The following SLC25A21 variants were observed in gnomAD, a reference collection of about 807,000 sequenced individuals.
SLC25A21 encodes mitochondrial 2-oxodicarboxylate carrier.
In SLC25A21, 47 loss-of-function variants were observed where a neutral mutation model predicts 43.8. The observed-to-expected ratio is 1.07, with a 90% confidence interval of 0.85 to 1.37. The LOEUF is 1.37. Ranked by LOEUF, SLC25A21 falls within the 40% of genes most tolerant of loss-of-function variation. SLC25A21 has a pLI of 0.00. For synonymous variants in SLC25A21, 131 were observed against 121.3 expected (o/e 1.08, Z -0.52); for missense variants, 352 against 350.2 (o/e 1.00, Z -0.04).
At chr14:36,965,216 G>T (rs986343934) in intron 1 of SLC25A21, among the ~76,000 whole-genome samples, 1 of 152,170 alleles carries the variant, frequency 6.6e-6, no homozygotes, top group Admixed American at 6.5e-5. Context: ...GTAGACTTAT[G>T]CTTTAAGCAA....
chr14:36,770,468 CACGCAAT>C (rs1223519300), intron 3 of SLC25A21, among the ~76,000 whole-genome samples: 1 of 152,140 alleles, frequency 6.6e-6, no homozygotes, highest in African/African-American at 2.4e-5. Flanking sequence ...ACCTCAGTAT[CACGCAAT>C]ACATGTACAG....
chr14:36,789,872 TTA>T (rs1440509135), intron 3 of SLC25A21, among the ~76,000 whole-genome samples: 5 of 118,474 alleles, frequency 4.2e-5, no homozygotes, highest in Admixed American at 3.1e-4. Context: ...TAAAAATATA[TTA>T]TATATTTATA....
At chr14:37,065,938 G>A (rs960103720) in intron 1 of SLC25A21, among the ~76,000 whole-genome samples, 16 of 152,150 alleles carry the variant, frequency 1.1e-4, no homozygotes, top group African/African-American at 3.9e-4. Context: ...AATGATTGTA[G>A]TAAAGATTAA....
chr14:36,728,958 G>T (rs569388380), intron 5 of SLC25A21, among the ~76,000 whole-genome samples: 1 of 152,322 alleles, frequency 6.6e-6, no homozygotes, highest in South Asian at 2.1e-4. Context: ...ATAGGGAAAT[G>T]TTCAAATCAC....
At chr14:36,854,450 G>C (rs1566677262) in intron 2 of SLC25A21, among the ~76,000 whole-genome samples, 1 of 152,056 alleles carries the variant, frequency 6.6e-6, no homozygotes, top group African/African-American at 2.4e-5. Context: ...TTGAATTCTG[G>C]CTCTCTCCTT....
intron 1 of SLC25A21, among the ~76,000 whole-genome samples, chr14:37,092,309 C>G (rs761532232): frequency 2.0e-5 from 3 of 152,138 alleles, no homozygotes; most frequent in Non-Finnish European, 2.9e-5. Flanking sequence ...ATAGCTACTG[C>G]AGTAATAGTG....
rs377703082 is a variant in SLC25A21 at position 37,029,248 on chromosome 14, G to A, written c.70+143033C>T. Among the ~76,000 whole-genome samples, 8 of 152,260 alleles carry A rather than the reference G, an allele frequency of 5.3e-5. No homozygotes were observed. In the South Asian group the frequency reaches 8.3e-4, roughly 16 times the overall value. ...AATTTTTTCCTTTCAGACAGTTAAT[G>A]TAAATGCTACTAACTGAGATCTTCA... is the stretch of plus-strand genomic sequence containing the variant. On this transcript the variant is annotated intron_variant, in intron 1 of 9. Coordinates refer to ENST00000331299, the MANE Select transcript of SLC25A21 (RefSeq NM_030631.4).
At chr14:36,727,687 CA>C (rs71124776) in intron 5 of SLC25A21, among the ~76,000 whole-genome samples, 2 of 144,950 alleles carry the variant, frequency 1.4e-5, no homozygotes, top group African/African-American at 2.6e-5. Context: ...GACTCTGTCT[CA>C]AAAAAAAAGA....
chr14:36,885,666 G>A (rs1442974766), intron 1 of SLC25A21, among the ~76,000 whole-genome samples: 2 of 152,186 alleles, frequency 1.3e-5, no homozygotes, highest in African/African-American at 4.8e-5. Context: ...GTACTGATAA[G>A]TTTTGAGTCT....
At chr14:36,946,981 G>A (rs1478329455) in intron 1 of SLC25A21, among the ~76,000 whole-genome samples, 1 of 152,076 alleles carries the variant, frequency 6.6e-6, no homozygotes, top group Non-Finnish European at 1.5e-5. Context: ...TGCTTTTAAT[G>A]CCAAGAAATT....
chr14:36,749,620 C>T (rs551371100), intron 3 of SLC25A21, among the ~76,000 whole-genome samples: 2 of 152,310 alleles, frequency 1.3e-5, no homozygotes, highest in Non-Finnish European at 2.9e-5. Flanking sequence ...TCTACCTTCC[C>T]ATTAATCACC....
chr14:37,078,435 A>ATG (rs1962325215), intron 1 of SLC25A21, among the ~76,000 whole-genome samples: 2 of 152,128 alleles, frequency 1.3e-5, no homozygotes, highest in South Asian at 2.1e-4. Context: ...GGTCCACCAC[A>ATG]TGGTGGACCT....
At chr14:37,006,958 C>T (rs1211931269) in intron 1 of SLC25A21, among the ~76,000 whole-genome samples, 1 of 152,176 alleles carries the variant, frequency 6.6e-6, no homozygotes, top group Non-Finnish European at 1.5e-5. Flanking sequence ...AACAAACAAA[C>T]CCAGCATAAT....
intron 1 of SLC25A21, among the ~76,000 whole-genome samples, chr14:36,995,639 G>A (rs1047739820): frequency 2.0e-5 from 3 of 152,184 alleles, no homozygotes; most frequent in Admixed American, 2.0e-4. Context: ...AGTTAAAAAT[G>A]TAAGTCACAC....
intron 3 of SLC25A21, among the ~76,000 whole-genome samples, chr14:36,809,522 A>G (rs1888159119): frequency 6.6e-6 from 1 of 152,108 alleles, no homozygotes; most frequent in Non-Finnish European, 1.5e-5. Flanking sequence ...TTTTAAGAAG[A>G]AAAAAATGTT....
intron 1 of SLC25A21, among the ~76,000 whole-genome samples, chr14:36,889,718 C>A (rs1891025786): frequency 6.6e-6 from 1 of 151,564 alleles, no homozygotes; most frequent in Non-Finnish European, 1.5e-5. Context: ...GTCTCAAACT[C>A]CTCCTCAAGC....
chr14:36,984,910 A>C (rs1960110774), intron 1 of SLC25A21, among the ~76,000 whole-genome samples: 2 of 151,522 alleles, frequency 1.3e-5, no homozygotes, highest in South Asian at 4.2e-4. Flanking sequence ...ACAATAGCAA[A>C]GACTTGGAAC....
chr14:37,145,304 T>C (rs932866701), intron 1 of SLC25A21, among the ~76,000 whole-genome samples: 2 of 152,006 alleles, frequency 1.3e-5, no homozygotes, highest in Non-Finnish European at 2.9e-5. Context: ...CTCGCTCTGT[T>C]GCCCAGGCTG....
chr14:36,797,726 G>A (rs1594597083), intron 3 of SLC25A21, among the ~76,000 whole-genome samples: 1 of 152,156 alleles, frequency 6.6e-6, no homozygotes, highest in Non-Finnish European at 1.5e-5. Context: ...ATTAAGGGAA[G>A]AGCATTAAAG....
Sources: allele counts gnomAD v4.1 joint callset (sites outside exome capture counted in the v4.1 genomes callset), GRCh38; gene constraint gnomAD v4.1.1; transcripts MANE v1.5; gene names NCBI Gene and HGNC (gene_info 2026-07-23, HGNC 2026-07-21).